The following MOCS2 variants were observed in gnomAD, a reference collection of about 807,000 sequenced individuals.
MOCS2 encodes molybdenum cofactor synthesis 2, also known as molybdopterin synthase catalytic subunit.
In MOCS2, 13 loss-of-function variants were observed where a neutral mutation model predicts 21.9. That is an observed-to-expected ratio of 0.59 (90% CI 0.39 to 0.94). MOCS2 has a LOEUF of 0.94. Ranked by LOEUF, MOCS2 falls within the 40% of genes least tolerant of loss-of-function variation. The probability of loss-of-function intolerance (pLI) is 0.00; values close to 1 mark genes in which losing one functional copy is unlikely to be tolerated. For synonymous variants in MOCS2, 92 were observed against 80.8 expected, an observed-to-expected ratio of 1.14 and a Z score of -0.74; for missense variants, 227 against 218.3, an observed-to-expected ratio of 1.04 and a Z score of -0.25.
At chr5:53,101,605 A>G in intron 4 of MOCS2, 96 bp from the exon 5 acceptor site, 2 of 931,158 alleles carry the variant, frequency 2.1e-6, no homozygotes, top group East Asian at 2.6e-5. Flanking sequence ...TATTTTTAAT[A>G]GTAAATTAAT....
chr5:53,107,360 A>T, intron 2 of MOCS2, 139 bp from the exon 3 acceptor site: 1 of 772,180 alleles, frequency 1.3e-6, no homozygotes, highest in South Asian at 1.8e-5. Flanking sequence ...TACACATAGT[A>T]TATGGAGAAA....
Position 53,109,567 on chromosome 5 carries a change from G to GGGGGCC in MOCS2, c.-487_-486insGGCCCC. ...AGGGCCCGGGGGCGGGGGCGGGGGCGCCCCCGAACCCAAGACGCCGGCCAG... is the reference window on the plus strand; with the variant it reads ...AGGGCCCGGGGGCGGGGGCGGGGGCGGGGGCCCCCCCGAACCCAAGACGCCGGCCAG... On this transcript the variant is annotated 5_prime_UTR_variant, in exon 1 of 7. Coordinates refer to ENST00000396954, the MANE Select transcript of MOCS2 (RefSeq NM_004531.5). 1.4e-6 allele frequency: 2 copies of GGGGGCC among 1,408,092 alleles called. No individual in the cohort carries two copies. Among genetic ancestry groups the GGGGGCC allele is most frequent in the Non-Finnish European group, 1.9e-6 (2 of 1,080,730 alleles). 87.2% of individuals were successfully genotyped at this position (1,408,092 alleles called of 1,614,324 possible). A position where few individuals can be genotyped will look rare whatever the true frequency, so the allele number is the denominator to read the frequency against.
chr5:53,100,519 T>C lies in MOCS2; in HGVS notation c.393A>G (p.Ser131=). ...VFHRLGLVPV[S]EASIIIAVSS... ...ACACAGCAATGATTATGCTTGCTTCTGACACTGGAACCAAGCTTTAACAAG... is the reference window on the plus strand; with the variant it reads ...ACACAGCAATGATTATGCTTGCTTCCGACACTGGAACCAAGCTTTAACAAG... Residue 131 remains serine (S), a synonymous_variant, in exon 6 of 7, where the codon TCA becomes TCG. Transcript: ENST00000396954. 2 of 1,613,770 alleles carry C rather than the reference T, an allele frequency of 1.2e-6. No homozygotes were observed. Among genetic ancestry groups the C allele is most frequent in the Non-Finnish European group, 8.5e-7 (1 of 1,179,772 alleles).
At chr5:53,098,920 T>G (rs984835760) in intron 6 of MOCS2, among the ~76,000 whole-genome samples, 3 of 152,220 alleles carry the variant, frequency 2.0e-5, no homozygotes, top group Admixed American at 1.3e-4. Flanking sequence ...CAAAGGCAGA[T>G]ATCTTCATTA....
intron 6 of MOCS2, among the ~76,000 whole-genome samples, chr5:53,099,589 G>C (rs1045685112): frequency 6.6e-6 from 1 of 152,098 alleles, no homozygotes; most frequent in African/African-American, 2.4e-5. Context: ...CTGAAAACAT[G>C]GTCATCAAAT....
chr5:53,102,762 C>A (rs897385057), intron 3 of MOCS2, among the ~76,000 whole-genome samples: 2 of 151,984 alleles, frequency 1.3e-5, no homozygotes, highest in Non-Finnish European at 2.9e-5. Context: ...GCCTGGCCAA[C>A]ATGGTGAAAC....
At position 53,102,125 on chromosome 5, in the gene MOCS2, C is replaced by T. The variant is rs201955128; in HGVS notation, c.198G>A (p.Pro66=). ...VDEVSQLVIS[P]LCGAISLFVG... is the part of the protein sequence containing the mutation. ...CAAATAGGGATATTGCACCACAGAG[C>T]GGAGAAATCACCAACTGTGAGACTT... Residue 66 remains proline, a synonymous_variant, in exon 4 of 7, where the codon CCG becomes CCA. Transcript: ENST00000396954. 1.4e-5 allele frequency: 23 copies of T among 1,613,604 alleles called. No individual in the cohort carries two copies. The highest frequency in any genetic ancestry group is 2.7e-5 in the African/African-American group (2 of 74,986).
rs368637182 is a variant in MOCS2 at position 53,107,149 on chromosome 5, G to A, written c.26C>T (p.Ser9Leu). 7.2e-5 allele frequency: 117 copies of A among 1,613,926 alleles called. No individual in the cohort carries two copies. The highest frequency in any genetic ancestry group is 1.3e-4 in the African/African-American group (10 of 74,908). MSSLEISS[S>L]CFSLETKLPL... ...CAATTTCGTCTCCAGGCTGAAGCAC[G>A]AGGAGCTGATCTCCAAGCTCGACAT... The change falls in exon 3 of 7, where the codon TCG (serine) becomes TTG (leucine). Residue 9 changes from serine to leucine, a missense_variant. Physicochemically the swap from Ser to Leu is moderately radical, Grantham distance 145. Transcript: ENST00000396954.
At chr5:53,098,815 G>C in intron 6 of MOCS2, 148 bp from the exon 7 acceptor site, 3 of 672,314 alleles carry the variant, frequency 4.5e-6, no homozygotes, top group Non-Finnish European at 8.0e-6. Context: ...TCATGGGCAA[G>C]GTTACATAGG....
intron 3 of MOCS2, among the ~76,000 whole-genome samples, chr5:53,106,714 C>T (rs1314105244): frequency 6.6e-6 from 1 of 152,150 alleles, no homozygotes; most frequent in East Asian, 1.9e-4. Flanking sequence ...CACTTATTAG[C>T]TATGTGATTA....
intron 5 of MOCS2, chr5:53,101,119 A>T: frequency 1.7e-6 from 1 of 575,794 alleles, no homozygotes; most frequent in South Asian, 2.1e-5. Flanking sequence ...TAGGGCCTGC[A>T]AGTCTTGGCA....
intron 6 of MOCS2, among the ~76,000 whole-genome samples, chr5:53,099,049 G>A (rs1014524202): frequency 2.6e-5 from 4 of 152,148 alleles, no homozygotes; most frequent in Admixed American, 6.5e-5. Flanking sequence ...CTATATCACA[G>A]ATGATCTCAA....
At position 53,098,405 on chromosome 5, in the gene MOCS2, C is replaced by T. The variant is rs1204178904; in HGVS notation, c.*197G>A. 1.7e-5 allele frequency: 10 copies of T among 604,240 alleles called. No homozygotes were observed. In the East Asian group the frequency reaches 2.5e-4, roughly 15 times the overall value. The allele number at this position is 604,240 out of a possible 1,614,324, so 37.4% of individuals were successfully genotyped here. A position where few individuals can be genotyped will look rare whatever the true frequency, so the allele number is the denominator to read the frequency against. The stretch of plus-strand genomic sequence containing the variant: ...TCCATTTCTTCCTACAGTCCTCCTT[C>T]TATCTTTAGTTCCATTTTAAATAAC... On this transcript the variant is annotated 3_prime_UTR_variant, in exon 7 of 7. Transcript: ENST00000396954.
At position 53,109,667 on chromosome 5, in the gene MOCS2, G is replaced by A; in HGVS notation, c.-586C>T. 6.4e-7 allele frequency: 1 copy of A among 1,550,600 alleles called. No homozygotes were observed. Among genetic ancestry groups the A allele is most frequent in the Non-Finnish European group, 8.7e-7 (1 of 1,147,036 alleles). On this transcript the variant is annotated 5_prime_UTR_variant, in exon 1 of 7. Coordinates refer to ENST00000396954, the MANE Select transcript of MOCS2 (RefSeq NM_004531.5). ...GGAAAGGGCGGGAGAGACACGTCGA[G>A]GAGGGCTCCGCACCCAGGCCCGCAC...
At chr5:53,107,038 T>C (rs1240128725) in intron 3 of MOCS2, 39 bp downstream of exon 3, 7 of 1,611,186 alleles carry the variant, frequency 4.3e-6, no homozygotes, top group Non-Finnish European at 5.9e-6. Flanking sequence ...GTATGATCCT[T>C]CCCCACACGA....
chr5:53,100,343 G>T, intron 6 of MOCS2, 68 bp downstream of exon 6: 1 of 1,553,950 alleles, frequency 6.4e-7, no homozygotes, highest in Non-Finnish European at 8.9e-7. Context: ...AAATATGGGG[G>T]GATTTATCTA....
In MOCS2 at chr5:53,102,182, TA is replaced by T; in HGVS notation, c.140del (p.Ile47LysfsTer10). 1 of 1,612,476 alleles carries T rather than the reference TA, an allele frequency of 6.2e-7. No homozygotes were observed. Among genetic ancestry groups the T allele is most frequent in the Non-Finnish European group, 8.5e-7 (1 of 1,178,682 alleles). ...CTGAAAGTTTCTCGGCAGTAAAGTT[TA>T]TAACATCTTTAGATTTCTCTTCAAC... Reference protein sequence around the residue: ...DEVEEKSKDVINFTAEKLSVD... With the variant: ...DEVEEKSKDVXNFTAEKLSVD... On this transcript the variant is annotated frameshift_variant, in exon 4 of 7. Transcript: ENST00000396954. LOFTEE classifies it high-confidence loss of function.
At chr5:53,107,046 C>T (rs776317991) in intron 3 of MOCS2, 31 bp downstream of exon 3, 21 of 1,612,716 alleles carry the variant, frequency 1.3e-5, no homozygotes, top group Middle Eastern at 1.7e-4. Flanking sequence ...CTTCCCCACA[C>T]GACTGATTAA....
intron 4 of MOCS2, 99 bp from the exon 5 acceptor site, chr5:53,101,608 AAATT>A (rs1740911660): frequency 6.7e-6 from 6 of 893,022 alleles, no homozygotes; most frequent in South Asian, 6.2e-5. Context: ...TTTTAATAGT[AAATT>A]AATAGTAAAC....
Sources: allele counts gnomAD v4.1 joint callset (sites outside exome capture counted in the v4.1 genomes callset), GRCh38; gene constraint gnomAD v4.1.1; transcripts MANE v1.5; gene names NCBI Gene and HGNC (gene_info 2026-07-23, HGNC 2026-07-21).